Variants in CTNNA2 observed in about 807,000 individuals in gnomAD.
The protein encoded by CTNNA2 is catenin alpha 2, also known as catenin alpha-2.
A neutral mutation model predicts 101.0 loss-of-function variants in CTNNA2; 42 were observed. The ratio of observed to expected loss-of-function variants is 0.42; its 90% CI spans 0.32 to 0.54. The LOEUF (loss-of-function observed/expected upper bound fraction) is 0.54, where lower values mean the gene tolerates loss of function less well. Ranked by LOEUF, CTNNA2 falls within the 20% of genes least tolerant of loss-of-function variation. CTNNA2 has a pLI of 0.14. For synonymous variants in CTNNA2, 450 were observed against 456.4 expected, an observed-to-expected ratio of 0.99 and a Z score of 0.18; for missense variants, 871 against 1,223.1, an observed-to-expected ratio of 0.71 and a Z score of 4.29.
intron 7 of CTNNA2, among the ~76,000 whole-genome samples, chr2:79,997,797 C>G (rs684009): frequency 0.11 from 17,492 of 152,216 alleles, 1,187 homozygotes; most frequent in East Asian, 0.33. Flanking sequence ...AACCGCGTTG[C>G]ACCTCCTTGG....
chr2:80,003,033 A>C (rs2103970694), intron 7 of CTNNA2, among the ~76,000 whole-genome samples: 2 of 152,178 alleles, frequency 1.3e-5, no homozygotes, highest in South Asian at 2.1e-4. Flanking sequence ...AAGTGGTAAA[A>C]CGTGTTTTAA....
At chr2:80,567,495 C>T (rs1573298244) in intron 12 of CTNNA2, among the ~76,000 whole-genome samples, 1 of 152,134 alleles carries the variant, frequency 6.6e-6, no homozygotes, top group East Asian at 1.9e-4. Context: ...TTTAGGGCCC[C>T]AGTAGTTGAT....
intron 3 of CTNNA2, among the ~76,000 whole-genome samples, chr2:79,356,426 C>A (rs1677510392): frequency 6.6e-6 from 1 of 152,044 alleles, no homozygotes; most frequent in South Asian, 2.1e-4. Flanking sequence ...TGATAGTGCC[C>A]TTTAATAAAC....
intron 7 of CTNNA2, among the ~76,000 whole-genome samples, chr2:80,229,774 A>G (rs1031667490): frequency 6.6e-6 from 1 of 152,164 alleles, no homozygotes; most frequent in Non-Finnish European, 1.5e-5. Context: ...AGACCTTCCA[A>G]AAGTTACTCA....
intron 4 of CTNNA2, among the ~76,000 whole-genome samples, chr2:79,392,506 A>G (rs1678185068): frequency 6.6e-6 from 1 of 152,170 alleles, no homozygotes; most frequent in Non-Finnish European, 1.5e-5. Context: ...AGAAAGTATG[A>G]TCTCCTTATG....
At position 80,585,871 on chromosome 2, in the gene CTNNA2, T is replaced by C. The variant is rs183610811; in HGVS notation, c.2008-3433T>C. Among the ~76,000 whole-genome samples, 14 of 152,324 alleles carry C rather than the reference T, an allele frequency of 9.2e-5. No individual in the cohort carries two copies. In the East Asian group the frequency reaches 2.1e-3, roughly 23 times the overall value. Reference sequence around the variant, plus strand: ...ATTTTAAGAATATTTAGGAAGAGACTTCAGCTCATTGATAGCTACATAAGC... The same window carrying C: ...ATTTTAAGAATATTTAGGAAGAGACCTCAGCTCATTGATAGCTACATAAGC... On this transcript the variant is annotated intron_variant, in intron 14 of 18. Coordinates refer to ENST00000402739, the MANE Select transcript of CTNNA2 (RefSeq NM_001282597.3).
intron 9 of CTNNA2, among the ~76,000 whole-genome samples, chr2:80,524,297 T>C (rs1288864591): frequency 2.0e-5 from 3 of 152,178 alleles, no homozygotes; most frequent in African/African-American, 4.8e-5. Context: ...TATATCCTCC[T>C]CCACATTCCT....
intron 7 of CTNNA2, among the ~76,000 whole-genome samples, chr2:80,152,504 T>G (rs1330188597): frequency 1.3e-5 from 2 of 152,088 alleles, no homozygotes; most frequent in African/African-American, 4.8e-5. Flanking sequence ...TCCATAAATG[T>G]TTGATGAGAA....
chr2:80,054,407 C>G (rs1226982184), intron 7 of CTNNA2, among the ~76,000 whole-genome samples: 2 of 152,168 alleles, frequency 1.3e-5, no homozygotes, highest in African/African-American at 4.8e-5. Context: ...AGTGAAAATT[C>G]CAGAAACACT....
intron 9 of CTNNA2, among the ~76,000 whole-genome samples, chr2:80,437,826 C>T (rs1301975213): frequency 6.6e-6 from 1 of 152,156 alleles, no homozygotes; most frequent in Non-Finnish European, 1.5e-5. Context: ...TGGTAAAATC[C>T]CTTCTCTACG....
At chr2:80,339,138 A>T (rs971580793) in intron 7 of CTNNA2, among the ~76,000 whole-genome samples, 3 of 152,162 alleles carry the variant, frequency 2.0e-5, no homozygotes, top group African/African-American at 7.2e-5. Flanking sequence ...TTTTTTTAAC[A>T]TCTACAAAAA....
chr2:79,286,409 G>A (rs1159545930), intron 2 of CTNNA2, among the ~76,000 whole-genome samples: 8 of 151,918 alleles, frequency 5.3e-5, no homozygotes, highest in Non-Finnish European at 8.8e-5. Flanking sequence ...TCCTTTCCAT[G>A]TTTAGTGCTT....
intron 7 of CTNNA2, among the ~76,000 whole-genome samples, chr2:79,986,720 T>C (rs1350804280): frequency 1.3e-5 from 2 of 152,000 alleles, no homozygotes; most frequent in Non-Finnish European, 2.9e-5. Flanking sequence ...CATGACATTG[T>C]TGAGGAAGGT....
Position 80,574,230 on chromosome 2 carries a change from G to A in CTNNA2, c.1809G>A (p.Pro603=), listed in dbSNP as rs370004446. ...CCCTGAGTGCCAACGTTCCTCAACC[G>A]TTTGAGGAGAATGAGTTCATCGATG... ...IEALSANVPQ[P]FEENEFIDAS... is the part of the protein sequence containing the mutation. The change falls in exon 13 of 19, where the codon CCG becomes CCA. Residue 603 remains proline (P), a synonymous_variant. Transcript: ENST00000402739. 137 of 1,613,698 alleles carry A rather than the reference G, an allele frequency of 8.5e-5. 1 individual carries two copies. Among genetic ancestry groups the A allele is most frequent in the Non-Finnish European group, 9.7e-5 (115 of 1,179,790 alleles).
Position 79,378,385 on chromosome 2 carries a change from A to G in CTNNA2, c.-135+4372A>G, listed in dbSNP as rs529588717. Among the ~76,000 whole-genome samples the G allele has an allele frequency of 2.0e-5, 3 of 152,288 alleles. No individual in the cohort carries two copies. In the South Asian group the frequency reaches 6.2e-4, roughly 32 times the overall value. ...GTAAATATTGTGTAAATAAATATAC[A>G]TGTATTGTAGGGTATGCTCTAGTTT... On this transcript the variant is annotated intron_variant, in intron 4 of 21. Transcript: ENST00000466387.
Position 80,426,601 on chromosome 2 carries a change from C to A in CTNNA2, c.1290+7000C>A, listed in dbSNP as rs527963174. Among the ~76,000 whole-genome samples the A allele has an allele frequency of 8.5e-5, 13 of 152,234 alleles. No individual in the cohort carries two copies. The South Asian group carries it at 2.5e-3, about 29-fold the overall frequency. ...GAATTTCTAATAATGCAAATAAAAT[C>A]ATATAATTTCCCTGCCTGAGGCCAT... On this transcript the variant is annotated intron_variant, in intron 9 of 18. Coordinates refer to ENST00000402739, the MANE Select transcript of CTNNA2 (RefSeq NM_001282597.3).
chr2:80,095,872 C>T (rs138392697), intron 7 of CTNNA2, among the ~76,000 whole-genome samples: 33,022 of 151,388 alleles, frequency 0.22, 4,366 homozygotes, highest in East Asian at 0.52. Flanking sequence ...TTTTTTATTG[C>T]GTCAATTTGA....
At chr2:79,890,745 G>T (rs958851332) in intron 6 of CTNNA2, among the ~76,000 whole-genome samples, 58 of 150,028 alleles carry the variant, frequency 3.9e-4, no homozygotes, top group African/African-American at 1.4e-3. Flanking sequence ...TTCTGTAACA[G>T]AATACCTTAG....
In CTNNA2 at chr2:79,452,059, G is replaced by A. The variant is rs368040039; in HGVS notation, c.-134-52995G>A. Reference sequence around the variant, plus strand: ...CCAAGGAGGCAGTCTCACACTGTCAGAGTGTTTAAACACATTTCATCTTTA... The same window carrying A: ...CCAAGGAGGCAGTCTCACACTGTCAAAGTGTTTAAACACATTTCATCTTTA... On this transcript the variant is annotated intron_variant, in intron 4 of 21. Transcript: ENST00000466387. 6.7e-4 allele frequency among the ~76,000 whole-genome samples: 102 copies of A among 152,176 alleles called. 1 individual carries two copies. In the East Asian group the frequency reaches 7.1e-3, roughly 11 times the overall value.
Sources: allele counts gnomAD v4.1 joint callset (sites outside exome capture counted in the v4.1 genomes callset), GRCh38; gene constraint gnomAD v4.1.1; transcripts MANE v1.5; gene names NCBI Gene and HGNC (gene_info 2026-07-23, HGNC 2026-07-21).